Variants in SLC13A3 observed in about 807,000 individuals in gnomAD.
The protein encoded by SLC13A3 is solute carrier family 13 member 3.
Under a neutral mutation model 59.0 loss-of-function variants are expected in SLC13A3, and 40 were observed. That is an observed-to-expected ratio of 0.68 (90% confidence interval 0.53 to 0.88). The LOEUF (loss-of-function observed/expected upper bound fraction) is 0.88, where lower values mean the gene tolerates loss of function less well. SLC13A3 is among the 40% of genes least tolerant of loss of function. SLC13A3 has a pLI of 0.00. For synonymous variants in SLC13A3, 317 were observed against 330.3 expected, an observed-to-expected ratio of 0.96 and a Z score of 0.44; for missense variants, 699 against 783.2, an observed-to-expected ratio of 0.89 and a Z score of 1.28.
intron 1 of SLC13A3, among the ~76,000 whole-genome samples, chr20:46,669,590 T>C (rs1403888977): frequency 2.6e-5 from 4 of 152,134 alleles, no homozygotes; most frequent in African/African-American, 9.7e-5. Flanking sequence ...AAACCTCAGG[T>C]TGATGGGAGC....
intron 1 of SLC13A3, among the ~76,000 whole-genome samples, chr20:46,664,433 C>T (rs1043533418): frequency 2.0e-5 from 3 of 152,174 alleles, no homozygotes; most frequent in Non-Finnish European, 2.9e-5. Context: ...ACCTACCAGA[C>T]TTGGTTTTGC....
chr20:46,683,986 T>G (rs1746958802), intron 1 of SLC13A3, among the ~76,000 whole-genome samples: 1 of 152,218 alleles, frequency 6.6e-6, no homozygotes, highest in South Asian at 2.1e-4. Context: ...GGTATCACCC[T>G]GTTAAAAACC....
At chr20:46,596,373 GA>G in intron 4 of SLC13A3, 31 bp from the exon 5 acceptor site, 1 of 1,603,778 alleles carries the variant, frequency 6.2e-7, no homozygotes, top group Non-Finnish European at 8.5e-7. Context: ...AAGCCATTCA[GA>G]ATACATGGAG....
chr20:46,606,998 T>C (rs925282588), intron 3 of SLC13A3, among the ~76,000 whole-genome samples: 4 of 152,228 alleles, frequency 2.6e-5, no homozygotes, highest in African/African-American at 9.6e-5. Flanking sequence ...CTTATCCAGA[T>C]AGCCCCACCC....
chr20:46,592,144 T>C (rs2062264936), intron 6 of SLC13A3, among the ~76,000 whole-genome samples: 1 of 152,120 alleles, frequency 6.6e-6, no homozygotes. Flanking sequence ...CCTGGGAGAT[T>C]GAGGCTGCAA....
chr20:46,593,477 A>G (rs553806744), intron 5 of SLC13A3, among the ~76,000 whole-genome samples: 4 of 152,220 alleles, frequency 2.6e-5, no homozygotes, highest in Non-Finnish European at 5.9e-5. Flanking sequence ...ATAACAAATA[A>G]GCAAACAAAA....
chr20:46,639,960 G>T (rs2062831079), intron 1 of SLC13A3, among the ~76,000 whole-genome samples: 1 of 152,202 alleles, frequency 6.6e-6, no homozygotes. Flanking sequence ...GCTTGGGCAA[G>T]TGAGGGAACC....
intron 4 of SLC13A3, among the ~76,000 whole-genome samples, chr20:46,599,459 G>T (rs1380776152): frequency 6.6e-6 from 1 of 152,234 alleles, no homozygotes; most frequent in Non-Finnish European, 1.5e-5. Context: ...AGAGTTCGAA[G>T]TCAGGTGTTT....
chr20:46,655,846 C>T (rs1176190463), upstream of SLC13A3, among the ~76,000 whole-genome samples: 2 of 135,006 alleles, frequency 1.5e-5, no homozygotes, highest in African/African-American at 2.8e-5. Flanking sequence ...ATATATTATA[C>T]TGTATATAAT....
At chr20:46,585,070 G>A in intron 8 of SLC13A3, 1 of 856,712 alleles carries the variant, frequency 1.2e-6, no homozygotes, top group Non-Finnish European at 1.4e-6. Flanking sequence ...ATAAATCAAA[G>A]TGCTCCCATT....
At chr20:46,682,699 T>C (rs1600640833) in intron 1 of SLC13A3, among the ~76,000 whole-genome samples, 1 of 152,192 alleles carries the variant, frequency 6.6e-6, no homozygotes, top group African/African-American at 2.4e-5. Flanking sequence ...GTTAAAAGCA[T>C]GGGTCTGAAT....
chr20:46,652,434 G>A (rs2062958234), upstream of SLC13A3, among the ~76,000 whole-genome samples: 1 of 151,946 alleles, frequency 6.6e-6, no homozygotes, highest in South Asian at 2.1e-4. Flanking sequence ...TGTAACCCAG[G>A]CTGGGCTGGG....
intron 1 of SLC13A3, among the ~76,000 whole-genome samples, chr20:46,620,264 A>C (rs893572669): frequency 6.6e-6 from 1 of 152,236 alleles, no homozygotes; most frequent in Admixed American, 6.5e-5. Flanking sequence ...AGCAAATGAG[A>C]AAATTGAGGC....
chr20:46,577,718 A>C (rs560836844), intron 9 of SLC13A3, among the ~76,000 whole-genome samples: 1 of 152,268 alleles, frequency 6.6e-6, no homozygotes, highest in East Asian at 1.9e-4. Context: ...GACTATGTGG[A>C]TTTCCCACTG....
At chr20:46,617,248 C>T (rs1284046673) in intron 1 of SLC13A3, among the ~76,000 whole-genome samples, 1 of 152,184 alleles carries the variant, frequency 6.6e-6, no homozygotes, top group Non-Finnish European at 1.5e-5. Flanking sequence ...TTATTCCTGA[C>T]CACATTTTAT....
chr20:46,598,188 G>A (rs569906105), intron 4 of SLC13A3, among the ~76,000 whole-genome samples: 8 of 152,170 alleles, frequency 5.3e-5, no homozygotes, highest in African/African-American at 1.9e-4. Context: ...ACTACATAAG[G>A]GACTCCTTCC....
intron 1 of SLC13A3, among the ~76,000 whole-genome samples, chr20:46,682,961 G>A (rs879252539): frequency 2.0e-4 from 30 of 152,262 alleles, no homozygotes; most frequent in Admixed American, 1.5e-3. Context: ...GTTCACCTAG[G>A]AACATTTGTT....
intron 1 of SLC13A3, among the ~76,000 whole-genome samples, chr20:46,620,462 T>C (rs1342428149): frequency 2.0e-5 from 3 of 152,204 alleles, no homozygotes; most frequent in Non-Finnish European, 2.9e-5. Context: ...CAGAGCAACA[T>C]GAATTCTGCT....
intron 5 of SLC13A3, among the ~76,000 whole-genome samples, 199 bp from the exon 6 acceptor site, chr20:46,592,728 C>T (rs1173979699): frequency 6.6e-6 from 1 of 152,134 alleles, no homozygotes; most frequent in Admixed American, 6.5e-5. Flanking sequence ...GGCTTCTGAC[C>T]TAGTGGGACC....
Sources: allele counts gnomAD v4.1 joint callset (sites outside exome capture counted in the v4.1 genomes callset), GRCh38; gene constraint gnomAD v4.1.1; transcripts MANE v1.5; gene names NCBI Gene and HGNC (gene_info 2026-07-23, HGNC 2026-07-21).